ADH7: variants seen among roughly 807,000 people sequenced by gnomAD.
ADH7 encodes all-trans-retinol dehydrogenase [NAD(+)] ADH7.
ADH7 carries 41 observed loss-of-function variants against 34.4 expected under a neutral mutation model. The observed-to-expected ratio is 1.19, with a 90% CI of 0.93 to 1.55. The LOEUF (loss-of-function observed/expected upper bound fraction) is 1.55, where lower values mean the gene tolerates loss of function less well. Among genes scored for constraint, ADH7 ranks in the 40% most tolerant of loss-of-function variants. The pLI, the probability that ADH7 is intolerant of heterozygous loss-of-function variation, is 0.00. For missense variants in ADH7, 540 were observed against 461.2 expected, an observed-to-expected ratio of 1.17 and a Z score of -1.56; for synonymous variants, 180 against 160.9, an observed-to-expected ratio of 1.12 and a Z score of -0.90.
chr4:99,415,605 T>G lies in ADH7; in HGVS notation c.973A>C (p.Arg325=). The G allele has an allele frequency of 6.2e-7, 1 of 1,613,070 alleles. No homozygotes were observed. The highest frequency in any genetic ancestry group is 1.1e-5 in the South Asian group (1 of 90,864). Residue 325 remains arginine (R), a synonymous_variant, in exon 8 of 9, where the codon AGA becomes CGA. Transcript: ENST00000437033. ...GTCACTAGTTTTGGGACATCATCTC[T>G]GCTTTTCAAACCTGCAAATAAGCAC... ...KGCVFGGLKS[R]DDVPKLVTEF... is the part of the protein sequence containing the mutation.
chr4:99,423,464 CA>C (rs1360465446), intron 5 of ADH7, among the ~76,000 whole-genome samples: 1 of 151,786 alleles, frequency 6.6e-6, no homozygotes, highest in Non-Finnish European at 1.5e-5. Context: ...CTGACTTCCA[CA>C]ATGGTTGAAC....
At chr4:99,430,486 C>T (rs1385244366) in intron 1 of ADH7, among the ~76,000 whole-genome samples, 1 of 152,144 alleles carries the variant, frequency 6.6e-6, no homozygotes, top group African/African-American at 2.4e-5. Context: ...GTCTAGGACT[C>T]CTATAAAATA....
intron 1 of ADH7, among the ~76,000 whole-genome samples, chr4:99,431,078 G>A (rs1721928717): frequency 6.6e-6 from 1 of 152,196 alleles, no homozygotes; most frequent in Non-Finnish European, 1.5e-5. Context: ...GATTACAGGT[G>A]TGAGCCACTG....
rs76647726 is a variant in ADH7 at position 99,417,539 on chromosome 4, G to A, written c.961+1447C>T. 9.8e-3 allele frequency among the ~76,000 whole-genome samples: 1,492 copies of A among 152,160 alleles called. 30 individuals are homozygous for A. Among genetic ancestry groups the A allele is most frequent in the African/African-American group, 0.034 (1,404 of 41,516 alleles). ...CCACCCCAGTCCTCTGGCACTGCCC[G>A]TTACCCATCCTTTATTATTATCCTT... On this transcript the variant is annotated intron_variant, in intron 7 of 8. Transcript: ENST00000437033.
In ADH7 at chr4:99,420,705, C is replaced by T. The variant is rs1721632972; in HGVS notation, c.653G>A (p.Arg218Lys). Residue 218 changes from arginine to lysine, a missense_variant, in exon 6 of 9, where the codon AGG (arginine) becomes AAG (lysine). Arg to Lys is a conservative substitution (Grantham distance 26). Transcript: ENST00000437033. ...IMGCKSAGAS[R>K]IIGIDLNKDK... is the part of the protein sequence containing the mutation. ...TTTGTTGAGGTCAATCCCAATGATC[C>T]TAGATGCACCAGCTGACTTACAGCC... The T allele has an allele frequency of 2.5e-6, 4 of 1,613,958 alleles. No individual in the cohort carries two copies. The highest frequency in any genetic ancestry group is 2.2e-5 in the East Asian group (1 of 44,878).
intron 1 of ADH7, among the ~76,000 whole-genome samples, chr4:99,431,877 A>G (rs1721944235): frequency 6.6e-6 from 1 of 152,236 alleles, no homozygotes; most frequent in South Asian, 2.1e-4. Context: ...GGGAAGGTTA[A>G]TTAGTTCAGC....
rs368065575 is a variant in ADH7, at chr4:99,427,755, G to T, written c.564+18C>A. ...AAAGGAAAGAAGAACAAATAAACTA[G>T]CCTACCCTGTTTCTTACCTTGCCAG... On this transcript the variant is annotated intron_variant, in intron 5 of 8. Coordinates refer to ENST00000437033, the MANE Select transcript of ADH7 (RefSeq NM_000673.7). The T allele has an allele frequency of 1.4e-6, 2 of 1,478,972 alleles. No homozygotes were observed. Among genetic ancestry groups the T allele is most frequent in the Admixed American group, 2.3e-5 (1 of 42,780 alleles). 91.6% of individuals were successfully genotyped at this position (1,478,972 alleles called of 1,614,324 possible). A position where few individuals can be genotyped will look rare whatever the true frequency, so the allele number is the denominator to read the frequency against.
chr4:99,428,364 C>A (rs1489072840), intron 3 of ADH7, 128 bp downstream of exon 3: 3 of 1,336,600 alleles, frequency 2.2e-6, no homozygotes, highest in Non-Finnish European at 3.1e-6. Context: ...AAAATCCATT[C>A]TTGTATCCTT....
At chr4:99,434,349 C>T (rs914247094) in intron 1 of ADH7, among the ~76,000 whole-genome samples, 2 of 152,056 alleles carry the variant, frequency 1.3e-5, no homozygotes, top group African/African-American at 4.8e-5. Flanking sequence ...TGGTTTTATT[C>T]CAGTTCTATC....
chr4:99,412,272 A>G lies in ADH7; in HGVS notation c.*876T>C, dbSNP rs945664689. The G allele has an allele frequency of 6.6e-6, 1 of 152,102 alleles. No individual in the cohort carries two copies. The highest frequency in any genetic ancestry group is 1.5e-5 in the Non-Finnish European group (1 of 67,982). 9.4% of individuals were successfully genotyped at this position (152,102 alleles called of 1,614,324 possible). A position where few individuals can be genotyped will look rare whatever the true frequency, so the allele number is the denominator to read the frequency against. On this transcript the variant is annotated 3_prime_UTR_variant, in exon 9 of 9. Coordinates refer to ENST00000437033, the MANE Select transcript of ADH7 (RefSeq NM_000673.7). ...ATATCACCACAAAACATTTTATATA[A>G]TTTTTAATTTTCTTAAGAATTTTTA... is the stretch of plus-strand genomic sequence containing the variant.
At chr4:99,432,791 T>A (rs1721965855) in intron 1 of ADH7, 1 of 152,008 alleles carries the variant, frequency 6.6e-6, no homozygotes, top group Non-Finnish European at 1.5e-5. Flanking sequence ...AAACGCCTTT[T>A]AAAAAAATAA....
rs778846877 is a variant in ADH7, at chr4:99,420,609, A to G, written c.749T>C (p.Ile250Thr). Reference protein sequence around the residue: ...CISPKDSTKPISEVLSEMTGN... With the variant: ...CISPKDSTKPTSEVLSEMTGN... Reference sequence around the variant, plus strand: ...TGTCATTTCTGACAGCACCTCACTGATGGGTTTGGTAGAGTCCTTGGGACT... The same window carrying G: ...TGTCATTTCTGACAGCACCTCACTGGTGGGTTTGGTAGAGTCCTTGGGACT... Residue 250 changes from isoleucine (I) to threonine (T), a missense_variant, in exon 6 of 9, where the codon ATC (isoleucine) becomes ACC (threonine). Ile to Thr is a moderately conservative substitution (Grantham distance 89, BLOSUM62 -1). Transcript: ENST00000437033. The G allele has an allele frequency of 1.1e-5, 17 of 1,613,894 alleles. No homozygotes were observed. The South Asian group carries it at 1.9e-4, about 18-fold the overall frequency.
At chr4:99,424,134 G>A (rs1721740251) in intron 5 of ADH7, among the ~76,000 whole-genome samples, 1 of 152,106 alleles carries the variant, frequency 6.6e-6, no homozygotes, top group Non-Finnish European at 1.5e-5. Context: ...ATTAAATAGG[G>A]AATCCCTTCC....
intron 1 of ADH7, among the ~76,000 whole-genome samples, chr4:99,434,430 C>T (rs1374578424): frequency 3.3e-5 from 5 of 152,086 alleles, no homozygotes; most frequent in African/African-American, 1.2e-4. Context: ...ACCCAGACTT[C>T]TCATGTCATC....
intron 5 of ADH7, among the ~76,000 whole-genome samples, chr4:99,423,186 G>A (rs920793205): frequency 5.3e-5 from 8 of 151,054 alleles, no homozygotes; most frequent in African/African-American, 1.9e-4. Flanking sequence ...CTTCATCCAT[G>A]TCCCTACAAA....
intron 2 of ADH7, 122 bp downstream of exon 2, chr4:99,429,410 G>A (rs980088607): frequency 2.2e-5 from 14 of 641,010 alleles, no homozygotes; most frequent in African/African-American, 9.1e-5. Context: ...AGCCAGTAAA[G>A]GAATTAATAC....
chr4:99,419,135 G>T lies in ADH7; in HGVS notation c.826-14C>A, dbSNP rs757607320. 4.3e-6 allele frequency: 7 copies of T among 1,611,192 alleles called. No individual in the cohort carries two copies. The highest frequency in any genetic ancestry group is 1.1e-5 in the South Asian group (1 of 90,704). On this transcript the variant is annotated splice_polypyrimidine_tract_variant and intron_variant, in intron 6 of 8. Transcript: ENST00000437033. ...CAGGGCATCAATCTGAGTTTAAAAC[G>T]GAGGAGATCGTTTGCTTCCTGTGTC...
chr4:99,426,321 A>G lies in ADH7; in HGVS notation c.564+1452T>C, dbSNP rs527342240. ...AATTGATAGACCGCTAGCAAGACTA[A>G]TAAAGAAAAAAAGAGAGGAGAATCA... On this transcript the variant is annotated intron_variant, in intron 5 of 8. Coordinates refer to ENST00000437033, the MANE Select transcript of ADH7 (RefSeq NM_000673.7). Among the ~76,000 whole-genome samples the G allele has an allele frequency of 3.9e-5, 6 of 152,320 alleles. No individual in the cohort carries two copies. In the South Asian group the frequency reaches 1.2e-3, roughly 32 times the overall value.
chr4:99,415,557 C>T lies in ADH7; in HGVS notation c.1021G>A (p.Asp341Asn). The T allele has an allele frequency of 6.2e-7, 1 of 1,613,572 alleles. No individual in the cohort carries two copies. The highest frequency in any genetic ancestry group is 8.5e-7 in the Non-Finnish European group (1 of 1,179,716). ...ACATGAGTTATCAACTGGTCCAGGT[C>T]AAATTTCTTTGCCAGGAACTCAGTC... ...LVTEFLAKKF[D>N]LDQLITHVLP... The change falls in exon 8 of 9, where the codon GAC (aspartate) becomes AAC (asparagine). Residue 341 changes from aspartate to asparagine, a missense_variant. Transcript: ENST00000437033.
Sources: allele counts gnomAD v4.1 joint callset (sites outside exome capture counted in the v4.1 genomes callset), GRCh38; gene constraint gnomAD v4.1.1; transcripts MANE v1.5; gene names NCBI Gene and HGNC (gene_info 2026-07-23, HGNC 2026-07-21).